GALNTL6: variants seen among roughly 807,000 people sequenced by gnomAD.
The protein encoded by GALNTL6 is polypeptide N-acetylgalactosaminyltransferase like 6.
Under a neutral mutation model 73.7 loss-of-function variants are expected in GALNTL6, and 46 were observed. The observed-to-expected ratio is 0.62, with a 90% CI of 0.49 to 0.80. The LOEUF is 0.80. Among genes scored for constraint, GALNTL6 ranks in the 30% least tolerant of loss-of-function variants. The pLI is 0.00. For missense variants in GALNTL6, 604 were observed against 755.0 expected (o/e 0.80, Z 2.34); for synonymous variants, 259 against 263.7 (o/e 0.98, Z 0.17).
intron 2 of GALNTL6, among the ~76,000 whole-genome samples, chr4:172,196,978 T>C (rs1735794007): frequency 6.6e-6 from 1 of 152,158 alleles, no homozygotes; most frequent in Non-Finnish European, 1.5e-5. Context: ...GGCATTCATA[T>C]AGGAAGACTG....
intron 5 of GALNTL6, among the ~76,000 whole-genome samples, chr4:172,470,528 G>A (rs1238321204): frequency 6.6e-6 from 1 of 152,018 alleles, no homozygotes; most frequent in African/African-American, 2.4e-5. Flanking sequence ...AAAATCAACC[G>A]AAGGCCTGAA....
At chr4:173,024,495 A>G (rs1753149893) in intron 12 of GALNTL6, among the ~76,000 whole-genome samples, 1 of 152,248 alleles carries the variant, frequency 6.6e-6, no homozygotes, top group African/African-American at 2.4e-5. Context: ...GCATAAAGAG[A>G]AAAAGCACAA....
intron 5 of GALNTL6, among the ~76,000 whole-genome samples, chr4:172,614,918 G>T (rs1738665370): frequency 1.3e-5 from 2 of 152,098 alleles, no homozygotes; most frequent in African/African-American, 4.8e-5. Context: ...GGTCAACCGT[G>T]AGCAGAAAGT....
chr4:172,855,796 G>C (rs754876269), intron 7 of GALNTL6, among the ~76,000 whole-genome samples: 4 of 152,156 alleles, frequency 2.6e-5, no homozygotes, highest in Non-Finnish European at 5.9e-5. Flanking sequence ...GGCTCCTGTT[G>C]CACCCTGGAG....
At chr4:172,609,665 G>C (rs371891640) in intron 5 of GALNTL6, among the ~76,000 whole-genome samples, 4 of 150,360 alleles carry the variant, frequency 2.7e-5, no homozygotes, top group Non-Finnish European at 4.4e-5. Flanking sequence ...GTGTGTGTGT[G>C]TCTGCCAGGT....
intron 3 of GALNTL6, among the ~76,000 whole-genome samples, chr4:172,295,895 C>A (rs1739654888): frequency 6.6e-6 from 1 of 151,890 alleles, no homozygotes; most frequent in Non-Finnish European, 1.5e-5. Context: ...TTTGTATACA[C>A]TCGTTATCAA....
At chr4:172,478,041 T>A (rs1422380602) in intron 5 of GALNTL6, among the ~76,000 whole-genome samples, 1 of 152,066 alleles carries the variant, frequency 6.6e-6, no homozygotes, top group African/African-American at 2.4e-5. Flanking sequence ...ACCTGTGGAG[T>A]TCATTCCAAA....
At chr4:172,913,101 C>T (rs944084705) in intron 8 of GALNTL6, among the ~76,000 whole-genome samples, 4 of 152,306 alleles carry the variant, frequency 2.6e-5, no homozygotes, top group African/African-American at 9.6e-5. Context: ...CCCAGGAAAA[C>T]AGGGTCTGGA....
chr4:172,855,057 A>G (rs559093822), intron 7 of GALNTL6, among the ~76,000 whole-genome samples: 1 of 152,350 alleles, frequency 6.6e-6, no homozygotes, highest in Admixed American at 6.5e-5. Flanking sequence ...TTCTACAGAC[A>G]GAATTTAAAA....
At chr4:172,335,042 A>T (rs1741263967) in intron 4 of GALNTL6, among the ~76,000 whole-genome samples, 1 of 149,532 alleles carries the variant, frequency 6.7e-6, no homozygotes, top group South Asian at 2.1e-4. Flanking sequence ...GTGCAGTGGC[A>T]CGATCTCTGC....
intron 5 of GALNTL6, chr4:172,380,382 G>T (rs569182840): frequency 1.5e-6 from 1 of 666,166 alleles, no homozygotes; most frequent in East Asian, 3.3e-5. Flanking sequence ...ATGACCACAT[G>T]AAAATAATGG....
intron 8 of GALNTL6, among the ~76,000 whole-genome samples, chr4:172,926,950 T>C (rs777576311): frequency 6.6e-6 from 1 of 152,232 alleles, no homozygotes; most frequent in Non-Finnish European, 1.5e-5. Context: ...ACAACATCTA[T>C]AATAAATCCA....
At chr4:172,046,746 A>G (rs1259055913) in intron 2 of GALNTL6, among the ~76,000 whole-genome samples, 1 of 151,786 alleles carries the variant, frequency 6.6e-6, no homozygotes, top group Non-Finnish European at 1.5e-5. Context: ...GAGTTATGTG[A>G]GTTTCTTATA....
chr4:172,135,524 T>C (rs911922339), intron 2 of GALNTL6, among the ~76,000 whole-genome samples: 12 of 152,102 alleles, frequency 7.9e-5, no homozygotes, highest in Admixed American at 5.2e-4. Flanking sequence ...GAATTCTCAA[T>C]TGAGAATTGA....
At chr4:171,882,762 T>A (rs912114490) in intron 2 of GALNTL6, among the ~76,000 whole-genome samples, 2 of 152,198 alleles carry the variant, frequency 1.3e-5, no homozygotes, top group Admixed American at 1.3e-4. Flanking sequence ...TGATTACATC[T>A]TCTTTGGCAA....
intron 5 of GALNTL6, among the ~76,000 whole-genome samples, chr4:172,718,654 A>T (rs911282142): frequency 1.6e-4 from 25 of 151,998 alleles, no homozygotes; most frequent in Non-Finnish European, 3.7e-4. Flanking sequence ...ACAAAAAAAA[A>T]ATCATCTGTA....
chr4:172,572,102 A>G (rs1736784310), intron 5 of GALNTL6, among the ~76,000 whole-genome samples: 1 of 152,010 alleles, frequency 6.6e-6, no homozygotes, highest in African/African-American at 2.4e-5. Context: ...ATTACCTCCT[A>G]GCAAGTCATC....
intron 5 of GALNTL6, among the ~76,000 whole-genome samples, chr4:172,488,393 G>A (rs1733772335): frequency 6.6e-6 from 1 of 152,140 alleles, no homozygotes; most frequent in Non-Finnish European, 1.5e-5. Context: ...GGTGTCTAGG[G>A]GTAAATAGAT....
At chr4:171,992,844 T>C (rs1207695781) in intron 2 of GALNTL6, among the ~76,000 whole-genome samples, 3 of 152,102 alleles carry the variant, frequency 2.0e-5, no homozygotes, top group Non-Finnish European at 4.4e-5. Context: ...TGAGTATCTG[T>C]ATGTGCAGAA....
Sources: allele counts gnomAD v4.1 joint callset (sites outside exome capture counted in the v4.1 genomes callset), GRCh38; gene constraint gnomAD v4.1.1; transcripts MANE v1.5; gene names NCBI Gene and HGNC (gene_info 2026-07-23, HGNC 2026-07-21).